The following HMGB1 variants were observed in gnomAD, a reference collection of about 807,000 sequenced individuals.
HMGB1 encodes the protein high mobility group protein B1.
For synonymous variants in HMGB1, 81 were observed against 84.0 expected (o/e 0.96, Z 0.19); for missense variants, 79 against 253.5 (o/e 0.31, Z 4.67).
At chr13:30,474,852 TTG>T (rs1887033960) in intron 1 of HMGB1, among the ~76,000 whole-genome samples, 1 of 148,968 alleles carries the variant, frequency 6.7e-6, no homozygotes, top group African/African-American at 2.5e-5. Flanking sequence ...CTCTCTTTTT[TTG>T]TTTTTTTTTT....
intron 1 of HMGB1, among the ~76,000 whole-genome samples, chr13:30,550,444 A>C (rs372534055): frequency 3.3e-5 from 5 of 152,180 alleles, no homozygotes; most frequent in African/African-American, 1.2e-4. Flanking sequence ...CCTCCCTGAC[A>C]TGGTGGGGAG....
intron 1 of HMGB1, among the ~76,000 whole-genome samples, chr13:30,546,560 T>G (rs557276552): frequency 3.6e-4 from 55 of 152,328 alleles, no homozygotes; most frequent in African/African-American, 1.3e-3. Context: ...TAAAGCTCAC[T>G]GCTGCCTTAA....
At chr13:30,511,334 A>G (rs1593283564) in intron 1 of HMGB1, among the ~76,000 whole-genome samples, 1 of 152,124 alleles carries the variant, frequency 6.6e-6, no homozygotes, top group Admixed American at 6.6e-5. Flanking sequence ...TGGATCCCTC[A>G]TGAATGGTTT....
chr13:30,475,493 G>C (rs991548134), intron 1 of HMGB1, among the ~76,000 whole-genome samples: 1 of 149,636 alleles, frequency 6.7e-6, no homozygotes, highest in African/African-American at 2.5e-5. Flanking sequence ...GATTACAAGT[G>C]TGAGCCAATG....
intron 1 of HMGB1, among the ~76,000 whole-genome samples, chr13:30,565,613 T>C (rs1211048958): frequency 6.6e-6 from 1 of 152,200 alleles, no homozygotes; most frequent in Non-Finnish European, 1.5e-5. Flanking sequence ...GAGATCTTGT[T>C]AAAATGCAAA....
intron 1 of HMGB1, among the ~76,000 whole-genome samples, chr13:30,496,489 T>A (rs1396280034): frequency 6.6e-6 from 1 of 152,114 alleles, no homozygotes; most frequent in Non-Finnish European, 1.5e-5. Flanking sequence ...ACCCAGGAAA[T>A]GCACTTTTGC....
At chr13:30,560,749 T>A (rs1230545295) in intron 1 of HMGB1, among the ~76,000 whole-genome samples, 1 of 152,162 alleles carries the variant, frequency 6.6e-6, no homozygotes, top group African/African-American at 2.4e-5. Flanking sequence ...TTCTAAGTGT[T>A]AAAGAAGAGG....
intron 1 of HMGB1, among the ~76,000 whole-genome samples, chr13:30,579,469 T>C (rs1870807550): frequency 6.6e-6 from 1 of 152,222 alleles, no homozygotes; most frequent in South Asian, 2.1e-4. Context: ...ATTTATTATT[T>C]TCGTAATAAC....
At chr13:30,527,134 T>G (rs1175012777) in intron 1 of HMGB1, among the ~76,000 whole-genome samples, 1 of 152,186 alleles carries the variant, frequency 6.6e-6, no homozygotes. Flanking sequence ...GTGCATCCGG[T>G]GCTGAACCTT....
rs1195259479 is a variant in HMGB1 at position 30,474,935 on chromosome 13, CT to C, written c.-14-11242del. Among the ~76,000 whole-genome samples the C allele has an allele frequency of 8.1e-4, 74 of 91,262 alleles. 2 individuals are homozygous for C. The highest frequency in any genetic ancestry group is 3.3e-3 in the East Asian group (9 of 2,696). 59.9% of individuals were successfully genotyped at this position (91,262 alleles called of 152,430 possible). Reference sequence around the variant, plus strand: ...TGCAACCTTGGCTCACTCTCTTTCTCTTTTTTTTTTCTTTTCTTTTTTTGTT... The same window carrying C: ...TGCAACCTTGGCTCACTCTCTTTCTCTTTTTTTTTCTTTTCTTTTTTTGTT... On this transcript the variant is annotated intron_variant, in intron 1 of 4. Coordinates refer to the HMGB1 transcript ENST00000405805.
intron 1 of HMGB1, among the ~76,000 whole-genome samples, chr13:30,560,979 C>T (rs987651795): frequency 1.3e-5 from 2 of 150,202 alleles, no homozygotes; most frequent in Non-Finnish European, 3.0e-5. Flanking sequence ...GATAACAGAG[C>T]GAAGTCTGTA....
chr13:30,508,973 C>T (rs1248773668), intron 1 of HMGB1, among the ~76,000 whole-genome samples: 2 of 152,174 alleles, frequency 1.3e-5, no homozygotes, highest in East Asian at 3.8e-4. Context: ...CTTGCTATGT[C>T]ATCCAGGCTG....
chr13:30,583,402 G>A (rs917826593), intron 1 of HMGB1, among the ~76,000 whole-genome samples: 2 of 148,540 alleles, frequency 1.3e-5, no homozygotes, highest in African/African-American at 5.0e-5. Flanking sequence ...GCATGGTGGT[G>A]CACCTATAGT....
intron 1 of HMGB1, among the ~76,000 whole-genome samples, chr13:30,534,709 C>T (rs2137490681): frequency 6.6e-6 from 1 of 151,330 alleles, no homozygotes; most frequent in East Asian, 1.9e-4. Context: ...TCCCGAGCAG[C>T]TGGGATTATG....
chr13:30,543,852 G>A (rs1430565074), intron 1 of HMGB1, among the ~76,000 whole-genome samples: 7 of 152,146 alleles, frequency 4.6e-5, no homozygotes, highest in East Asian at 3.8e-4. Flanking sequence ...TCTATAAAAC[G>A]AACTGAAATT....
At chr13:30,532,047 T>TA (rs1045014139) in intron 1 of HMGB1, among the ~76,000 whole-genome samples, 9 of 150,946 alleles carry the variant, frequency 6.0e-5, no homozygotes, top group Middle Eastern at 7.0e-3. Context: ...TATGTATTTT[T>TA]AAAAAATCAG....
At chr13:30,606,484 A>G (rs1179367737) in intron 1 of HMGB1, among the ~76,000 whole-genome samples, 1 of 152,214 alleles carries the variant, frequency 6.6e-6, no homozygotes, top group African/African-American at 2.4e-5. Context: ...TTTATTGATC[A>G]TATTACATTT....
chr13:30,511,977 A>T (rs1340511709), intron 1 of HMGB1, among the ~76,000 whole-genome samples: 4 of 152,136 alleles, frequency 2.6e-5, no homozygotes, highest in Non-Finnish European at 5.9e-5. Context: ...TTTAAGAGCT[A>T]AAGTTGTTAC....
intron 1 of HMGB1, among the ~76,000 whole-genome samples, chr13:30,599,460 C>G (rs531225639): frequency 5.3e-5 from 8 of 152,256 alleles, no homozygotes; most frequent in African/African-American, 1.9e-4. Context: ...AAGAGCAAAA[C>G]TCTGTCTCAA....
Sources: gnomAD v4.1 joint callset for allele counts (sites outside exome capture counted in the v4.1 genomes callset) on GRCh38, gnomAD v4.1.1 for gene constraint, MANE v1.5 for transcripts, NCBI Gene and HGNC (gene_info 2026-07-23, HGNC 2026-07-21) for gene names.